Variants in NRXN3 observed in about 807,000 individuals in gnomAD.
The protein encoded by NRXN3 is neurexin 3.
In NRXN3, 32 loss-of-function variants were observed where a neutral mutation model predicts 137.6. That is an observed-to-expected ratio of 0.23 (90% CI 0.18 to 0.31). NRXN3 has a LOEUF of 0.31. Among genes scored for constraint, NRXN3 ranks in the 10% least tolerant of loss-of-function variants. The pLI is 1.00. For synonymous variants in NRXN3, 798 were observed against 784.5 expected (o/e 1.02, Z -0.29); for missense variants, 1,574 against 2,062.5 (o/e 0.76, Z 4.59).
At chr14:79,080,663 T>G (rs1192481923) in intron 15 of NRXN3, among the ~76,000 whole-genome samples, 1 of 152,200 alleles carries the variant, frequency 6.6e-6, no homozygotes, top group African/African-American at 2.4e-5. Context: ...CATATCATAG[T>G]GGTAATTTCC....
At chr14:78,476,547 G>T (rs576343541) in intron 4 of NRXN3, among the ~76,000 whole-genome samples, 8 of 152,162 alleles carry the variant, frequency 5.3e-5, no homozygotes, top group Admixed American at 5.2e-4. Flanking sequence ...ATAATTTTTT[G>T]TTTTTCATAT....
chr14:78,270,009 T>C (rs2072457180), intron 2 of NRXN3, among the ~76,000 whole-genome samples: 1 of 152,162 alleles, frequency 6.6e-6, no homozygotes, highest in East Asian at 1.9e-4. Flanking sequence ...TTTGCGTATG[T>C]TAGTTCTTTA....
At chr14:79,354,948 C>T (rs1376832126) in intron 15 of NRXN3, among the ~76,000 whole-genome samples, 1 of 151,912 alleles carries the variant, frequency 6.6e-6, no homozygotes, top group Non-Finnish European at 1.5e-5. Context: ...AGGTCGTGTC[C>T]GAGGTATAGA....
At chr14:78,474,414 C>A (rs1430733408) in intron 4 of NRXN3, among the ~76,000 whole-genome samples, 5 of 152,066 alleles carry the variant, frequency 3.3e-5, no homozygotes, top group African/African-American at 7.2e-5. Context: ...TAAAAGGCAT[C>A]CCTGAGGCAT....
intron 15 of NRXN3, among the ~76,000 whole-genome samples, chr14:79,306,794 C>G (rs1263033456): frequency 6.6e-6 from 1 of 152,128 alleles, no homozygotes; most frequent in East Asian, 1.9e-4. Context: ...CTTTTCAACA[C>G]CTTCCATTAA....
chr14:78,219,640 G>A (rs2063636263), intron 1 of NRXN3, among the ~76,000 whole-genome samples: 1 of 152,186 alleles, frequency 6.6e-6, no homozygotes, highest in Non-Finnish European at 1.5e-5. Context: ...AGGATAAGAT[G>A]AGCACAGTGC....
intron 4 of NRXN3, among the ~76,000 whole-genome samples, chr14:78,573,718 A>G (rs2096910455): frequency 6.6e-6 from 1 of 152,220 alleles, no homozygotes; most frequent in Non-Finnish European, 1.5e-5. Context: ...CTTATATTTA[A>G]AAGGTAAGCA....
At chr14:79,799,637 C>A (rs1204640221) in intron 19 of NRXN3, among the ~76,000 whole-genome samples, 1 of 152,154 alleles carries the variant, frequency 6.6e-6, no homozygotes, top group African/African-American at 2.4e-5. Flanking sequence ...GACCTCTAAG[C>A]CTTTGCAAAT....
intron 15 of NRXN3, among the ~76,000 whole-genome samples, chr14:79,187,085 C>G (rs983704145): frequency 6.6e-6 from 1 of 152,186 alleles, no homozygotes; most frequent in Non-Finnish European, 1.5e-5. Flanking sequence ...CCATGGGCTT[C>G]GTTCACCTAG....
At chr14:78,574,247 A>T (rs776283307) in intron 4 of NRXN3, among the ~76,000 whole-genome samples, 1 of 152,246 alleles carries the variant, frequency 6.6e-6, no homozygotes, top group Non-Finnish European at 1.5e-5. Context: ...GGCAGTGCAG[A>T]AGGGAAATGT....
Position 78,967,369 on chromosome 14 carries a change from T to A in NRXN3, c.2939T>A (p.Ile980Asn). ...KVDTKVVTQV[I>N]NGAKNLDLKG... ...GACACCAAAGTGGTCACTCAGGTTA[T>A]CAATGGTGCCAAAAATCTGGATTTG... is the stretch of plus-strand genomic sequence containing the variant. The change falls in exon 13 of 21, where the codon ATC (isoleucine) becomes AAC (asparagine). Residue 980 changes from isoleucine (I) to asparagine (N), a missense_variant. Coordinates refer to ENST00000335750, the MANE Select transcript of NRXN3 (RefSeq NM_001330195.2). 1 of 1,613,660 alleles carries A rather than the reference T, an allele frequency of 6.2e-7. No homozygotes were observed. The highest frequency in any genetic ancestry group is 8.5e-7 in the Non-Finnish European group (1 of 1,179,778).
intron 1 of NRXN3, among the ~76,000 whole-genome samples, chr14:78,193,761 C>CCAAAAA (rs2060961031): frequency 9.2e-6 from 1 of 109,080 alleles, no homozygotes; most frequent in Non-Finnish European, 1.9e-5. Context: ...AACTCTGTCT[C>CCAAAAA]AAAAAAAAAA....
chr14:79,711,659 T>G (rs1297242412), intron 19 of NRXN3, among the ~76,000 whole-genome samples: 1 of 152,148 alleles, frequency 6.6e-6, no homozygotes. Flanking sequence ...TGCCTAGATA[T>G]CCCCTTTGGG....
chr14:79,707,782 GCA>G (rs368522875), intron 19 of NRXN3, among the ~76,000 whole-genome samples: 1 of 151,832 alleles, frequency 6.6e-6, no homozygotes, highest in Non-Finnish European at 1.5e-5. Flanking sequence ...AGTGTCTTGG[GCA>G]CACACACACA....
At chr14:78,962,673 G>A (rs1014776894) in intron 11 of NRXN3, among the ~76,000 whole-genome samples, 5 of 151,990 alleles carry the variant, frequency 3.3e-5, no homozygotes, top group East Asian at 1.9e-4. Flanking sequence ...GAGTAAATTC[G>A]TTTAGCACAC....
chr14:79,417,641 C>T (rs934215169), intron 15 of NRXN3, among the ~76,000 whole-genome samples: 18 of 152,128 alleles, frequency 1.2e-4, no homozygotes, highest in Admixed American at 2.6e-4. Flanking sequence ...ATGATGCTTT[C>T]GTTAATCACC....
intron 15 of NRXN3, among the ~76,000 whole-genome samples, chr14:79,350,895 C>T (rs1178781720): frequency 6.6e-6 from 1 of 152,146 alleles, no homozygotes; most frequent in Non-Finnish European, 1.5e-5. Context: ...TTATAAGACA[C>T]CATATGCTAC....
At chr14:78,685,810 CTTTTTT>C (rs76135969) in intron 6 of NRXN3, among the ~76,000 whole-genome samples, 1 of 133,820 alleles carries the variant, frequency 7.5e-6, no homozygotes, top group Non-Finnish European at 1.6e-5. Context: ...GTTTTTCTTT[CTTTTTT>C]TTTTTTTTTT....
chr14:79,052,783 G>C (rs2099643819), intron 15 of NRXN3, among the ~76,000 whole-genome samples: 1 of 152,118 alleles, frequency 6.6e-6, no homozygotes, highest in Non-Finnish European at 1.5e-5. Context: ...TGCCCATTAG[G>C]GATCAGAGGC....
Sources: allele counts gnomAD v4.1 joint callset (sites outside exome capture counted in the v4.1 genomes callset), GRCh38; gene constraint gnomAD v4.1.1; transcripts MANE v1.5; gene names NCBI Gene and HGNC (gene_info 2026-07-23, HGNC 2026-07-21).